RAB11FIP5: variants seen among roughly 807,000 people sequenced by gnomAD.
The protein encoded by RAB11FIP5 is rab11 family-interacting protein 5.
A neutral mutation model predicts 85.1 loss-of-function variants in RAB11FIP5; 48 were observed. That is an observed-to-expected ratio of 0.56 (90% CI 0.45 to 0.72). The LOEUF (loss-of-function observed/expected upper bound fraction) is 0.72, where lower values mean the gene tolerates loss of function less well. RAB11FIP5 is among the 30% of genes least tolerant of loss of function. RAB11FIP5 has a pLI of 0.00. For synonymous variants in RAB11FIP5, 729 were observed against 727.3 expected (o/e 1.00, Z -0.04); for missense variants, 1,491 against 1,687.0 (o/e 0.88, Z 2.04).
chr2:73,076,206 GT>G, intron 4 of RAB11FIP5, 24 bp from the exon 5 acceptor site: 1 of 1,561,498 alleles, frequency 6.4e-7, no homozygotes. Flanking sequence ...CAAGAGATGG[GT>G]TACACAGAGA....
rs934156735 is a variant in RAB11FIP5, at chr2:73,075,826, C to T, written c.3772-102G>A. ...CCTGCCCACCAACACCTAAGTTTCA[C>T]CACCACAGGGCCCCAGGCTGCCTGT... On this transcript the variant is annotated intron_variant, in intron 5 of 5. Coordinates refer to ENST00000486777, the MANE Select transcript of RAB11FIP5 (RefSeq NM_001371272.1). This position sits in a 1 kb window ranked among gnomAD's most constrained non-coding sequence, Gnocchi z 4.6. 41 of 1,467,672 alleles carry T rather than the reference C, an allele frequency of 2.8e-5. No homozygotes were observed. The East Asian group carries it at 8.2e-4, about 29-fold the overall frequency. 90.9% of individuals were successfully genotyped at this position (1,467,672 alleles called of 1,614,324 possible). A position where few individuals can be genotyped will look rare whatever the true frequency, so the allele number is the denominator to read the frequency against.
intron 1 of RAB11FIP5, among the ~76,000 whole-genome samples, chr2:73,101,135 G>A (rs560688779): frequency 2.0e-5 from 3 of 152,266 alleles, no homozygotes; most frequent in Admixed American, 1.3e-4. Flanking sequence ...GTGAGGCAAG[G>A]CTTGGCCAGC....
chr2:73,081,757 G>A lies in RAB11FIP5; in HGVS notation c.1569-94C>T. ...GCCCCACCCCCTGCTTCGGGACCAG[G>A]GGCCATAACACACACATAGGCTGGA... On this transcript the variant is annotated intron_variant, in intron 3 of 5. Transcript: ENST00000486777. This position sits in a 1 kb window ranked among gnomAD's most constrained non-coding sequence, Gnocchi z 4.2. The A allele has an allele frequency of 9.8e-6, 11 of 1,122,948 alleles. No homozygotes were observed. Among genetic ancestry groups the A allele is most frequent in the Non-Finnish European group, 1.2e-5 (11 of 889,088 alleles). 69.6% of individuals were successfully genotyped at this position (1,122,948 alleles called of 1,614,324 possible).
Position 73,112,746 on chromosome 2 carries a change from G to A in RAB11FIP5, c.32C>T (p.Ala11Val), listed in dbSNP as rs762477096. 1.1e-5 allele frequency: 16 copies of A among 1,486,622 alleles called. No individual in the cohort carries two copies. The highest frequency in any genetic ancestry group is 1.3e-5 in the Non-Finnish European group (15 of 1,122,070). The allele number at this position is 1,486,622 out of a possible 1,614,324, so 92.1% of individuals were successfully genotyped here. The change falls in exon 1 of 6, where the codon GCG becomes GTG. Residue 11 changes from alanine (A) to valine (V), a missense_variant. Around this residue, in one of 3 missense-constraint regions of RAB11FIP5, gnomAD observed 1,211 missense variants for 1,338.0 expected, o/e 0.91. Coordinates refer to ENST00000486777, the MANE Select transcript of RAB11FIP5 (RefSeq NM_001371272.1). ...CGTGGGCAGCCAGCGGGAAGGCCCCGCCGCCGGCTCCGCGCCCCGCACCAG... is the reference window on the plus strand; with the variant it reads ...CGTGGGCAGCCAGCGGGAAGGCCCCACCGCCGGCTCCGCGCCCCGCACCAG... MALVRGAEPA[A>V]GPSRWLPTHV...
rs1355450671 is a variant in RAB11FIP5, at chr2:73,089,305, G to A, written c.442C>T (p.Leu148=). The change falls in exon 2 of 6, where the codon CTG becomes TTG. Residue 148 remains leucine (L), a synonymous_variant. Coordinates refer to ENST00000486777, the MANE Select transcript of RAB11FIP5 (RefSeq NM_001371272.1). The surrounding 1 kb of genome is among the most constrained non-coding windows in gnomAD (Gnocchi z 4.6). ...GRAQHTQWYK[L]HSKPGKKEKE... is the part of the protein sequence containing the mutation. ...TCCTTCTTGCCTGGCTTGGAGTGCA[G>A]CTTGTACCACCTGTGAGAAGAGGGG... 3.1e-6 allele frequency: 5 copies of A among 1,613,506 alleles called. No individual in the cohort carries two copies. The highest frequency in any genetic ancestry group is 4.2e-6 in the Non-Finnish European group (5 of 1,180,000).
chr2:73,088,486 C>G lies in RAB11FIP5; in HGVS notation c.1132G>C (p.Glu378Gln), dbSNP rs772885269. 4.3e-6 allele frequency: 7 copies of G among 1,614,032 alleles called. No homozygotes were observed. Among genetic ancestry groups the G allele is most frequent in the Non-Finnish European group, 4.2e-6 (5 of 1,180,048 alleles). Residue 378 changes from glutamate to glutamine, a missense_variant, in exon 3 of 6, where the codon GAG becomes CAG. By Grantham distance (29) the Glu-to-Gln change is conservative (BLOSUM62 2). Coordinates refer to ENST00000486777, the MANE Select transcript of RAB11FIP5 (RefSeq NM_001371272.1). The stretch of plus-strand genomic sequence containing the variant: ...GTGTCATCTGTGGAACGAGGCCCCT[C>G]CTCGGAGAACCGGGAAGAGACAGCT... Reference protein sequence around the residue: ...LQAVSSRFSEEGPRSTDDTWP... With the variant: ...LQAVSSRFSEQGPRSTDDTWP...
rs547151301 is a variant in RAB11FIP5 at position 73,111,666 on chromosome 2, G to A, written c.431+681C>T. Reference sequence around the variant, plus strand: ...GCTGCCTCTACCTCAGGCAGGGCAGGGCAGGCAGGCAGGCCACTGGAAGGC... The same window carrying A: ...GCTGCCTCTACCTCAGGCAGGGCAGAGCAGGCAGGCAGGCCACTGGAAGGC... On this transcript the variant is annotated intron_variant, in intron 1 of 5. Coordinates refer to ENST00000486777, the MANE Select transcript of RAB11FIP5 (RefSeq NM_001371272.1). Among the ~76,000 whole-genome samples the A allele has an allele frequency of 4.3e-4, 66 of 152,336 alleles. No individual in the cohort carries two copies. The South Asian group carries it at 0.013, about 31-fold the overall frequency.
chr2:73,077,575 C>A (rs1002350550), intron 4 of RAB11FIP5, among the ~76,000 whole-genome samples: 1 of 152,226 alleles, frequency 6.6e-6, no homozygotes, highest in Non-Finnish European at 1.5e-5. Context: ...CCTGCCCTTT[C>A]TTCATGGTCC....
rs1179739268 is a variant in RAB11FIP5 at position 73,075,843 on chromosome 2, G to C, written c.3772-119C>G. Reference sequence around the variant, plus strand: ...AAGTTTCACCACCACAGGGCCCCAGGCTGCCTGTCTCCAAAGTCAGAGCCT... The same window carrying C: ...AAGTTTCACCACCACAGGGCCCCAGCCTGCCTGTCTCCAAAGTCAGAGCCT... On this transcript the variant is annotated intron_variant, in intron 5 of 5. Coordinates refer to ENST00000486777, the MANE Select transcript of RAB11FIP5 (RefSeq NM_001371272.1). The surrounding 1 kb of genome is among the most constrained non-coding windows in gnomAD (Gnocchi z 4.6). The C allele has an allele frequency of 3.4e-6, 5 of 1,453,024 alleles. No individual in the cohort carries two copies. The highest frequency in any genetic ancestry group is 2.8e-5 in the African/African-American group (2 of 70,680). 90.0% of individuals were successfully genotyped at this position (1,453,024 alleles called of 1,614,324 possible). A position where few individuals can be genotyped will look rare whatever the true frequency, so the allele number is the denominator to read the frequency against.
intron 4 of RAB11FIP5, among the ~76,000 whole-genome samples, chr2:73,077,786 G>A (rs1476690337): frequency 2.0e-5 from 3 of 152,150 alleles, no homozygotes; most frequent in African/African-American, 7.2e-5. Flanking sequence ...CCCTGTGACA[G>A]GTACATAAAC....
rs186049341 is a variant in RAB11FIP5, at chr2:73,100,408, G to A, written c.432-11093C>T. Among the ~76,000 whole-genome samples the A allele has an allele frequency of 1.7e-3, 263 of 150,628 alleles. 1 individual carries two copies. Among genetic ancestry groups the A allele is most frequent in the African/African-American group, 5.8e-3 (236 of 40,758 alleles). On this transcript the variant is annotated intron_variant, in intron 1 of 5. Coordinates refer to ENST00000486777, the MANE Select transcript of RAB11FIP5 (RefSeq NM_001371272.1). ...AGTCATCACCAAACTGAAAAATAAC[G>A]GGTTTTTTTGGTTGTGGTTTTTTTT...
rs144665120 is a variant in RAB11FIP5 at position 73,073,936 on chromosome 2, G to C, written c.*1585C>G. 2.0e-5 allele frequency: 3 copies of C among 152,208 alleles called. No individual in the cohort carries two copies. Among genetic ancestry groups the C allele is most frequent in the African/African-American group, 7.2e-5 (3 of 41,444 alleles). The allele number at this position is 152,208 out of a possible 1,614,324, so 9.4% of individuals were successfully genotyped here. On this transcript the variant is annotated 3_prime_UTR_variant, in exon 6 of 6. Transcript: ENST00000486777. ...AGCCCACAGGCCCTCTCCTGAAGAA[G>C]TGGTGGTCCCAGAGGAGCTCTTGCC...
In RAB11FIP5 at chr2:73,112,516, C is replaced by T; in HGVS notation, c.262G>A (p.Ala88Thr). The T allele has an allele frequency of 4.6e-6, 7 of 1,509,954 alleles. No homozygotes were observed. The highest frequency in any genetic ancestry group is 6.2e-6 in the Non-Finnish European group (7 of 1,130,244). 93.5% of individuals were successfully genotyped at this position (1,509,954 alleles called of 1,614,324 possible). A position where few individuals can be genotyped will look rare whatever the true frequency, so the allele number is the denominator to read the frequency against. The change falls in exon 1 of 6, where the codon GCG (alanine) becomes ACG (threonine). Residue 88 changes from alanine (A) to threonine (T), a missense_variant. Ala to Thr is a moderately conservative substitution (Grantham distance 58). Around this residue, in one of 3 missense-constraint regions of RAB11FIP5, gnomAD observed 1,211 missense variants for 1,338.0 expected, o/e 0.91. Transcript: ENST00000486777. The part of the protein sequence containing the change: ...PPGALDGLLR[A>T]QEADAGPAPW... ...GCCGGGCCCGCGTCGGCCTCCTGCGCCCGCAGCAGGCCATCCAGGGCCCCC... is the reference window on the plus strand; with the variant it reads ...GCCGGGCCCGCGTCGGCCTCCTGCGTCCGCAGCAGGCCATCCAGGGCCCCC...
intron 1 of RAB11FIP5, among the ~76,000 whole-genome samples, chr2:73,111,333 T>G (rs985713787): frequency 6.6e-6 from 1 of 152,160 alleles, no homozygotes; most frequent in African/African-American, 2.4e-5. Flanking sequence ...GTGGATGCCA[T>G]TCCACTGGGG....
chr2:73,075,121 C>A lies in RAB11FIP5; in HGVS notation c.*400G>T. The A allele has an allele frequency of 2.4e-6, 1 of 421,120 alleles. No homozygotes were observed. The highest frequency in any genetic ancestry group is 2.8e-5 in the Admixed American group (1 of 36,246). The allele number at this position is 421,120 out of a possible 1,614,324, so 26.1% of individuals were successfully genotyped here. ...GGAAATGAAGGGGATGGGGCTTTGG[C>A]TGTGGGAAGAAATGGCTGACCATCC... On this transcript the variant is annotated 3_prime_UTR_variant, in exon 6 of 6. Transcript: ENST00000486777. This position sits in a 1 kb window ranked among gnomAD's most constrained non-coding sequence, Gnocchi z 4.6.
At chr2:73,092,273 G>C (rs965956506) in intron 1 of RAB11FIP5, among the ~76,000 whole-genome samples, 39 of 152,222 alleles carry the variant, frequency 2.6e-4, no homozygotes, top group Admixed American at 2.3e-3. Flanking sequence ...GGATCAGCAA[G>C]CACAGCCAGC....
In RAB11FIP5 at chr2:73,089,240, C is replaced by T. The variant is rs754181912; in HGVS notation, c.507G>A (p.Thr169=). 1.5e-5 allele frequency: 25 copies of T among 1,614,042 alleles called. No homozygotes were observed. The East Asian group carries it at 1.8e-4, about 12-fold the overall frequency. ...RGEIEVTIQF[T]RNNLSASMFD... is the part of the protein sequence containing the mutation. ...ACATACTGGCGCTCAGGTTGTTGCG[C>T]GTGAACTGGATGGTGACTTCAATCT... The change falls in exon 2 of 6, where the codon ACG becomes ACA. Residue 169 remains threonine, a synonymous_variant. Transcript: ENST00000486777. The surrounding 1 kb of genome is among the most constrained non-coding windows in gnomAD (Gnocchi z 4.6).
At chr2:73,097,844 G>A (rs1349775894) in intron 1 of RAB11FIP5, among the ~76,000 whole-genome samples, 1 of 152,178 alleles carries the variant, frequency 6.6e-6, no homozygotes, top group Non-Finnish European at 1.5e-5. Flanking sequence ...ACCAGATGTG[G>A]GACGCATCCA....
intron 1 of RAB11FIP5, among the ~76,000 whole-genome samples, chr2:73,097,091 C>T (rs986515793): frequency 1.3e-5 from 2 of 151,958 alleles, no homozygotes; most frequent in Admixed American, 6.6e-5. Flanking sequence ...CAGGCTGGAG[C>T]GCAATGGCTC....
Sources: allele counts gnomAD v4.1 joint callset (sites outside exome capture counted in the v4.1 genomes callset), GRCh38; gene constraint gnomAD v4.1.1; regional missense constraint gnomAD v4.1.1; non-coding constraint Gnocchi (gnomAD v3.1); transcripts MANE v1.5; gene names NCBI Gene and HGNC (gene_info 2026-07-23, HGNC 2026-07-21).